Variants in ORC4 observed in about 807,000 individuals in gnomAD.
ORC4 encodes the protein origin recognition complex subunit 4.
Under a neutral mutation model 63.9 loss-of-function variants are expected in ORC4, and 55 were observed. The observed-to-expected ratio is 0.86, with a 90% CI of 0.69 to 1.08. The LOEUF is 1.08. Among genes scored for constraint, ORC4 ranks in the 50% least tolerant of loss-of-function variants. ORC4 has a pLI of 0.00. For missense variants in ORC4, 511 were observed against 504.4 expected, an observed-to-expected ratio of 1.01 and a Z score of -0.13; for synonymous variants, 150 against 168.5, an observed-to-expected ratio of 0.89 and a Z score of 0.85.
At chr2:148,012,313 T>A (rs1693019549) in intron 1 of ORC4, among the ~76,000 whole-genome samples, 1 of 152,206 alleles carries the variant, frequency 6.6e-6, no homozygotes, top group Non-Finnish European at 1.5e-5. Flanking sequence ...TAAAGCCAAT[T>A]AGTTTTTTAC....
chr2:147,963,339 C>G (rs923141891), intron 4 of ORC4, among the ~76,000 whole-genome samples: 1 of 152,086 alleles, frequency 6.6e-6, no homozygotes, highest in Non-Finnish European at 1.5e-5. Context: ...TCCAGTGGGC[C>G]ATCTGCTGCA....
chr2:147,975,364 A>G (rs545530791), intron 2 of ORC4, among the ~76,000 whole-genome samples: 9 of 152,268 alleles, frequency 5.9e-5, no homozygotes, highest in Admixed American at 4.6e-4. Flanking sequence ...AAAAAATCCT[A>G]CAGTTAACAT....
rs188478530 is a variant in ORC4 at position 147,994,322 on chromosome 2, C to T, written c.-17-18347G>A. ...ATTCAATGCAATCCCAATCAAAATT[C>T]TGGATAGTTATTTTGTGGATATGAC... is the stretch of plus-strand genomic sequence containing the variant. On this transcript the variant is annotated intron_variant, in intron 1 of 13. Transcript: ENST00000392857. Among the ~76,000 whole-genome samples, 303 of 152,242 alleles carry T rather than the reference C, an allele frequency of 2.0e-3. 6 individuals carry two copies. The highest frequency in any genetic ancestry group is 2.8e-4 in the Non-Finnish European group (19 of 68,016).
chr2:147,974,872 A>G (rs999033133), intron 2 of ORC4, among the ~76,000 whole-genome samples: 4 of 151,844 alleles, frequency 2.6e-5, no homozygotes, highest in African/African-American at 9.7e-5. Flanking sequence ...AACGGGGTAT[A>G]AAATATAAGC....
chr2:147,966,681 A>G (rs1689912042), intron 4 of ORC4, among the ~76,000 whole-genome samples: 1 of 152,190 alleles, frequency 6.6e-6, no homozygotes, highest in South Asian at 2.1e-4. Context: ...GGAGAGACCA[A>G]TAACAAATAA....
intron 1 of ORC4, among the ~76,000 whole-genome samples, chr2:147,997,203 A>G (rs1435547920): frequency 6.6e-6 from 1 of 152,172 alleles, no homozygotes; most frequent in African/African-American, 2.4e-5. Flanking sequence ...AGGCAAAACT[A>G]CAGAAATAGA....
intron 10 of ORC4, among the ~76,000 whole-genome samples, chr2:147,940,508 T>C (rs186158189): frequency 2.0e-5 from 3 of 152,180 alleles, no homozygotes; most frequent in South Asian, 2.1e-4. Flanking sequence ...AAACTCACAA[T>C]TGCAAAATCG....
intron 1 of ORC4, among the ~76,000 whole-genome samples, chr2:148,013,380 T>C (rs893285617): frequency 4.6e-5 from 7 of 152,064 alleles, no homozygotes; most frequent in Admixed American, 3.9e-4. Flanking sequence ...AAAATTGAAG[T>C]CATAGAGATA....
At chr2:147,998,397 A>G (rs539912544) in intron 1 of ORC4, among the ~76,000 whole-genome samples, 3 of 152,304 alleles carry the variant, frequency 2.0e-5, no homozygotes, top group Admixed American at 6.5e-5. Flanking sequence ...GATGCCTCAT[A>G]AATGGCTCAG....
chr2:147,972,999 T>C (rs1377394609), intron 3 of ORC4, among the ~76,000 whole-genome samples, 170 bp from the exon 4 acceptor site: 1 of 152,012 alleles, frequency 6.6e-6, no homozygotes, highest in East Asian at 1.9e-4. Context: ...ACAAAAGAAA[T>C]AGTAGGGCAG....
At chr2:147,957,180 TA>T (rs1426927454) in intron 6 of ORC4, among the ~76,000 whole-genome samples, 15 of 147,498 alleles carry the variant, frequency 1.0e-4, no homozygotes, top group Non-Finnish European at 2.2e-4. Context: ...ATCTATTAGA[TA>T]ATTATATAGA....
At chr2:147,990,942 C>G in intron 1 of ORC4, among the ~76,000 whole-genome samples, 1 of 152,090 alleles carries the variant, frequency 6.6e-6, no homozygotes, top group East Asian at 1.9e-4. Context: ...TTTCAGTAAT[C>G]TTCACTAGTA....
chr2:147,947,215 C>A (rs953278786), intron 9 of ORC4, among the ~76,000 whole-genome samples: 8 of 151,912 alleles, frequency 5.3e-5, no homozygotes, highest in African/African-American at 1.9e-4. Context: ...GGTATTTTAA[C>A]ATTATAAATC....
chr2:147,958,457 T>G (rs1003821361), intron 5 of ORC4, 74 bp from the exon 6 acceptor site: 1 of 1,064,552 alleles, frequency 9.4e-7, no homozygotes, highest in African/African-American at 1.6e-5. Context: ...GTTTTCCAGT[T>G]AAGTAAATCT....
At chr2:147,989,513 C>G (rs1374678518) in intron 1 of ORC4, among the ~76,000 whole-genome samples, 1 of 152,096 alleles carries the variant, frequency 6.6e-6, no homozygotes, top group Non-Finnish European at 1.5e-5. Context: ...TGAGACGAGC[C>G]TGGCCAACAT....
rs1687917603 is a variant in ORC4 at position 147,934,071 on chromosome 2, C to T, written c.*1439G>A. 1.3e-5 allele frequency: 2 copies of T among 152,148 alleles called. No individual in the cohort carries two copies. Among genetic ancestry groups the T allele is most frequent in the Non-Finnish European group, 1.5e-5 (1 of 68,028 alleles). 9.4% of individuals were successfully genotyped at this position (152,148 alleles called of 1,614,324 possible). On this transcript the variant is annotated 3_prime_UTR_variant, in exon 14 of 14. Coordinates refer to ENST00000392857, the MANE Select transcript of ORC4 (RefSeq NM_181741.4). Reference sequence around the variant, plus strand: ...TGGTAAGGAATCCACTGTTGAACTTCAGGTCTTAATAGCACTGGCTTTGGT... The same window carrying T: ...TGGTAAGGAATCCACTGTTGAACTTTAGGTCTTAATAGCACTGGCTTTGGT...
At chr2:147,986,072 T>C (rs1161898866) in intron 1 of ORC4, among the ~76,000 whole-genome samples, 3 of 152,250 alleles carry the variant, frequency 2.0e-5, no homozygotes, top group Non-Finnish European at 2.9e-5. Flanking sequence ...TGAATGTCTA[T>C]GTGTACAATT....
chr2:147,975,269 C>T (rs535711815), intron 2 of ORC4, among the ~76,000 whole-genome samples: 2 of 152,136 alleles, frequency 1.3e-5, no homozygotes, highest in Admixed American at 1.3e-4. Context: ...ATACAATATA[C>T]ACTTCTTATA....
At position 147,972,800 on chromosome 2, in the gene ORC4, G is replaced by A; in HGVS notation, c.164C>T (p.Ala55Val). The A allele has an allele frequency of 6.2e-7, 1 of 1,611,852 alleles. No individual in the cohort carries two copies. The highest frequency in any genetic ancestry group is 8.5e-7 in the Non-Finnish European group (1 of 1,178,238). Residue 55 changes from alanine to valine, a missense_variant, in exon 4 of 14, where the codon GCT (alanine) becomes GTT (valine). Coordinates refer to ENST00000392857, the MANE Select transcript of ORC4 (RefSeq NM_181741.4). ...GACAGAGTTACTCTCTCCATGGAGAGCAGTTCTTTTCAGCAGCTCACTTAA... is the reference window on the plus strand; with the variant it reads ...GACAGAGTTACTCTCTCCATGGAGAACAGTTCTTTTCAGCAGCTCACTTAA... ...KHLSELLKRT[A>V]LHGESNSVLI...
Sources: allele counts gnomAD v4.1 joint callset (sites outside exome capture counted in the v4.1 genomes callset), GRCh38; gene constraint gnomAD v4.1.1; transcripts MANE v1.5; gene names NCBI Gene and HGNC (gene_info 2026-07-23, HGNC 2026-07-21).